Variants in ITGBL1 observed in about 807,000 individuals in gnomAD.
ITGBL1 encodes the protein integrin subunit beta like 1.
A neutral mutation model predicts 68.5 loss-of-function variants in ITGBL1; 51 were observed. The observed-to-expected ratio is 0.74, with a 90% confidence interval of 0.59 to 0.94. The LOEUF (loss-of-function observed/expected upper bound fraction) is 0.94, where lower values mean the gene tolerates loss of function less well. Ranked by LOEUF, ITGBL1 falls within the 40% of genes least tolerant of loss-of-function variation. The pLI is 0.00. For synonymous variants in ITGBL1, 209 were observed against 227.3 expected (o/e 0.92, Z 0.72); for missense variants, 649 against 647.4 (o/e 1.00, Z -0.03).
At chr13:101,520,516 C>T (rs1277398814) in intron 2 of ITGBL1, among the ~76,000 whole-genome samples, 1 of 152,096 alleles carries the variant, frequency 6.6e-6, no homozygotes, top group African/African-American at 2.4e-5. Context: ...TATGTATCAG[C>T]ATGGCCAAGT....
intron 7 of ITGBL1, among the ~76,000 whole-genome samples, chr13:101,651,663 T>C (rs927176902): frequency 2.0e-5 from 3 of 152,228 alleles, no homozygotes; most frequent in African/African-American, 7.2e-5. Flanking sequence ...GTCCAGATGC[T>C]CTTTAGTGTA....
At chr13:101,452,968 C>T in intron 1 of ITGBL1, 37 bp downstream of exon 1, 1 of 1,547,356 alleles carries the variant, frequency 6.5e-7, no homozygotes, top group South Asian at 1.1e-5. Flanking sequence ...ACAGACCTGC[C>T]CTGCTTATGT....
intron 4 of ITGBL1, 24 bp from the exon 5 acceptor site, chr13:101,579,262 TG>T (rs1305813100): frequency 6.2e-7 from 1 of 1,603,560 alleles, no homozygotes; most frequent in Non-Finnish European, 8.5e-7. Context: ...TTTTCCTCAC[TG>T]TATAAAATTC....
chr13:101,629,070 T>C (rs1236945448), intron 7 of ITGBL1, among the ~76,000 whole-genome samples: 2 of 152,190 alleles, frequency 1.3e-5, no homozygotes, highest in Non-Finnish European at 2.9e-5. Flanking sequence ...CTTTTTGTTT[T>C]GTTTAGTTGT....
intron 2 of ITGBL1, among the ~76,000 whole-genome samples, chr13:101,513,839 A>G (rs916816476): frequency 6.6e-6 from 1 of 152,098 alleles, no homozygotes; most frequent in African/African-American, 2.4e-5. Context: ...GATTTAAGTG[A>G]TCTTGGAAAA....
Position 101,518,650 on chromosome 13 carries a change from G to C in ITGBL1, c.317-49049G>C, listed in dbSNP as rs150765156. On this transcript the variant is annotated intron_variant, in intron 2 of 10. Transcript: ENST00000376180. Reference sequence around the variant, plus strand: ...TATCATTTCAGTTTGTCTTAGACAGGGATCCCCCAGGTATGTATAATATTG... The same window carrying C: ...TATCATTTCAGTTTGTCTTAGACAGCGATCCCCCAGGTATGTATAATATTG... Among the ~76,000 whole-genome samples, 82 of 152,224 alleles carry C rather than the reference G, an allele frequency of 5.4e-4. No individual in the cohort carries two copies. The East Asian group carries it at 0.015, about 28-fold the overall frequency.
intron 6 of ITGBL1, among the ~76,000 whole-genome samples, chr13:101,591,345 TTAA>T (rs543302231): frequency 1.3e-5 from 2 of 152,330 alleles, no homozygotes; most frequent in African/African-American, 4.8e-5. Context: ...TGTATGTTTA[TTAA>T]TAATAACAAT....
Position 101,599,913 on chromosome 13 carries a change from A to G in ITGBL1, c.1015+1614A>G, listed in dbSNP as rs893177229. 7.2e-5 allele frequency among the ~76,000 whole-genome samples: 11 copies of G among 152,026 alleles called. No individual in the cohort carries two copies. The East Asian group carries it at 9.7e-4, about 13-fold the overall frequency. The stretch of plus-strand genomic sequence containing the variant: ...TCTTTTGGCTTAGGATTGACTTGGC[A>G]ATGTGGGCTCTTTTTTGGTTCCATA... On this transcript the variant is annotated intron_variant, in intron 7 of 10. Coordinates refer to ENST00000376180, the MANE Select transcript of ITGBL1 (RefSeq NM_004791.3).
chr13:101,712,508 T>G (rs940552132), intron 9 of ITGBL1: 1 of 152,186 alleles, frequency 6.6e-6, no homozygotes, highest in African/African-American at 2.4e-5. Flanking sequence ...ATATAAGATA[T>G]TTCATGAATT....
At chr13:101,554,225 A>C (rs1329472396) in intron 2 of ITGBL1, among the ~76,000 whole-genome samples, 1 of 152,168 alleles carries the variant, frequency 6.6e-6, no homozygotes, top group African/African-American at 2.4e-5. Flanking sequence ...TCAATATATG[A>C]ATTGTAGGAG....
chr13:101,627,715 G>C (rs1333066787), intron 7 of ITGBL1, among the ~76,000 whole-genome samples: 1 of 152,144 alleles, frequency 6.6e-6, no homozygotes, highest in African/African-American at 2.4e-5. Context: ...AGGCTTTTCA[G>C]ATTGGTTTCT....
At chr13:101,604,779 C>T (rs534060428) in intron 7 of ITGBL1, among the ~76,000 whole-genome samples, 1 of 142,810 alleles carries the variant, frequency 7.0e-6, no homozygotes, top group South Asian at 2.2e-4. Context: ...GCCGCCATCA[C>T]CTCACCAGCT....
intron 2 of ITGBL1, among the ~76,000 whole-genome samples, chr13:101,557,283 G>T (rs747116839): frequency 2.6e-5 from 4 of 152,172 alleles, no homozygotes; most frequent in Non-Finnish European, 5.9e-5. Flanking sequence ...TCATTACACA[G>T]TGCTTTTACT....
intron 7 of ITGBL1, among the ~76,000 whole-genome samples, chr13:101,686,343 A>T (rs938336407): frequency 5.3e-5 from 8 of 152,114 alleles, no homozygotes; most frequent in African/African-American, 1.7e-4. Context: ...AAGAGAAAAA[A>T]ATAATGTGAT....
chr13:101,650,318 G>A (rs1222937309), intron 7 of ITGBL1, among the ~76,000 whole-genome samples: 1 of 152,128 alleles, frequency 6.6e-6, no homozygotes, highest in East Asian at 1.9e-4. Flanking sequence ...TTTTGCAAAT[G>A]TGTTTATAAG....
chr13:101,605,300 A>T (rs1157770505), intron 7 of ITGBL1, among the ~76,000 whole-genome samples: 1 of 131,760 alleles, frequency 7.6e-6, no homozygotes, highest in Non-Finnish European at 1.6e-5. Flanking sequence ...ATATACACAT[A>T]TATAGGCATG....
intron 4 of ITGBL1, among the ~76,000 whole-genome samples, chr13:101,577,175 C>T (rs2050376925): frequency 6.6e-6 from 1 of 152,204 alleles, no homozygotes; most frequent in South Asian, 2.1e-4. Context: ...ACCAGCACTG[C>T]AGTAAACACC....
chr13:101,564,214 A>G (rs1284396225), intron 2 of ITGBL1, among the ~76,000 whole-genome samples: 1 of 151,978 alleles, frequency 6.6e-6, no homozygotes, highest in Non-Finnish European at 1.5e-5. Context: ...ACAAAGTTGG[A>G]GTTCTCAGAA....
intron 2 of ITGBL1, among the ~76,000 whole-genome samples, chr13:101,548,956 A>T (rs2049874653): frequency 2.6e-5 from 4 of 151,958 alleles, no homozygotes; most frequent in Admixed American, 2.0e-4. Flanking sequence ...AGAATACAAA[A>T]GGGACATCAG....
Sources: gnomAD v4.1 joint callset for allele counts (sites outside exome capture counted in the v4.1 genomes callset) on GRCh38, gnomAD v4.1.1 for gene constraint, MANE v1.5 for transcripts, NCBI Gene and HGNC (gene_info 2026-07-23, HGNC 2026-07-21) for gene names.